Variants in ASAP1 observed in about 807,000 individuals in gnomAD.
ASAP1 encodes ArfGAP with SH3 domain, ankyrin repeat and PH domain 1.
Under a neutral mutation model 145.2 loss-of-function variants are expected in ASAP1, and 43 were observed. The ratio of observed to expected loss-of-function variants is 0.30; its 90% CI spans 0.23 to 0.38. ASAP1 has a LOEUF of 0.38. ASAP1 is among the 10% of genes least tolerant of loss of function. The pLI is 1.00. For missense variants in ASAP1, 1,018 were observed against 1,355.3 expected (o/e 0.75, Z 3.91); for synonymous variants, 546 against 515.5 (o/e 1.06, Z -0.80).
intron 1 of ASAP1, among the ~76,000 whole-genome samples, chr8:130,424,588 T>C (rs145365141): frequency 2.5e-3 from 387 of 152,326 alleles, no homozygotes; most frequent in African/African-American, 8.9e-3. Flanking sequence ...CTGGAAACAC[T>C]GCCCTTCTCA....
chr8:130,055,759 A>G (rs2097402622), intron 29 of ASAP1, among the ~76,000 whole-genome samples: 5 of 152,228 alleles, frequency 3.3e-5, no homozygotes, highest in Middle Eastern at 3.2e-3. Context: ...TAGAAAAAAC[A>G]AAATCGTGCA....
chr8:130,296,935 T>C (rs1296372371), intron 3 of ASAP1, among the ~76,000 whole-genome samples: 3 of 152,080 alleles, frequency 2.0e-5, no homozygotes, highest in African/African-American at 7.2e-5. Context: ...TTAACTGTCT[T>C]TTTTGGGGGG....
At chr8:130,313,710 G>A (rs573226772) in intron 3 of ASAP1, among the ~76,000 whole-genome samples, 1 of 152,088 alleles carries the variant, frequency 6.6e-6, no homozygotes, top group Non-Finnish European at 1.5e-5. Flanking sequence ...TCAGCCCCAG[G>A]ATATTCAAAA....
chr8:130,149,768 G>C (rs1225712746), intron 13 of ASAP1, among the ~76,000 whole-genome samples: 2 of 152,182 alleles, frequency 1.3e-5, no homozygotes. Flanking sequence ...AATGGTGTTT[G>C]CAAAGTCAGG....
intron 2 of ASAP1, among the ~76,000 whole-genome samples, chr8:130,362,238 G>A (rs1420950638): frequency 1.3e-5 from 2 of 152,162 alleles, no homozygotes; most frequent in African/African-American, 2.4e-5. Flanking sequence ...CCAGAGGTGG[G>A]GGAGTGTGGG....
At chr8:130,140,357 TTTC>T (rs1286846086) in intron 13 of ASAP1, among the ~76,000 whole-genome samples, 1 of 151,910 alleles carries the variant, frequency 6.6e-6, no homozygotes, top group Non-Finnish European at 1.5e-5. Context: ...TCTTTCTTTC[TTTC>T]TTTTTTTTTT....
At chr8:130,374,800 A>G (rs886236343) in intron 2 of ASAP1, among the ~76,000 whole-genome samples, 5 of 152,222 alleles carry the variant, frequency 3.3e-5, no homozygotes, top group African/African-American at 1.2e-4. Context: ...AGCCCAGTGC[A>G]TCCAGCTTCT....
intron 3 of ASAP1, among the ~76,000 whole-genome samples, chr8:130,356,556 A>G (rs1430108069): frequency 6.6e-6 from 1 of 152,242 alleles, no homozygotes; most frequent in Non-Finnish European, 1.5e-5. Context: ...AAAAAAGAAA[A>G]GAAAAAATCC....
chr8:130,228,923 G>A (rs185585381), intron 4 of ASAP1, among the ~76,000 whole-genome samples: 10 of 152,004 alleles, frequency 6.6e-5, no homozygotes, highest in East Asian at 1.9e-4. Context: ...AAATCAGCAC[G>A]GGGTGTTCCA....
At chr8:130,304,155 C>T (rs1405142264) in intron 3 of ASAP1, among the ~76,000 whole-genome samples, 1 of 151,714 alleles carries the variant, frequency 6.6e-6, no homozygotes, top group African/African-American at 2.4e-5. Flanking sequence ...CATTCCATCT[C>T]CACTGAGAAA....
chr8:130,423,993 G>A (rs6470820), intron 1 of ASAP1, among the ~76,000 whole-genome samples: 147,762 of 152,290 alleles, frequency 0.97, 71,800 homozygotes, highest in Non-Finnish European at 1. Context: ...AATTGACTGC[G>A]GCGATGGCTG....
intron 3 of ASAP1, among the ~76,000 whole-genome samples, chr8:130,279,668 GATCT>G (rs1821138081): frequency 6.6e-6 from 1 of 152,112 alleles, no homozygotes; most frequent in African/African-American, 2.4e-5. Context: ...ATAATTTCTA[GATCT>G]TTCTCTATTG....
At chr8:130,057,364 T>C (rs1479323514) in intron 29 of ASAP1, among the ~76,000 whole-genome samples, 1 of 152,202 alleles carries the variant, frequency 6.6e-6, no homozygotes, top group African/African-American at 2.4e-5. Flanking sequence ...AATCAGAAAA[T>C]GCCTACAACT....
chr8:130,264,292 T>C (rs1213882406), intron 3 of ASAP1, among the ~76,000 whole-genome samples: 2 of 152,222 alleles, frequency 1.3e-5, no homozygotes, highest in Non-Finnish European at 2.9e-5. Context: ...GGTCCTTCCA[T>C]GGTTGACCTG....
chr8:130,072,830 C>CGCGCGCGCGG (rs1448184178), intron 27 of ASAP1, among the ~76,000 whole-genome samples: 4 of 31,922 alleles, frequency 1.3e-4, no homozygotes, highest in African/African-American at 4.1e-4. Context: ...TGTGTGCGCG[C>CGCGCGCGCGG]GGGGGGGGGC....
At chr8:130,081,844 C>T (rs1045066241) in intron 25 of ASAP1, among the ~76,000 whole-genome samples, 4 of 152,318 alleles carry the variant, frequency 2.6e-5, no homozygotes, top group African/African-American at 4.8e-5. Flanking sequence ...TTAACAGCAA[C>T]GACCGTTTAC....
At chr8:130,153,350 T>TATATATATATATAC (rs1235141329) in intron 12 of ASAP1, among the ~76,000 whole-genome samples, 2 of 48,550 alleles carry the variant, frequency 4.1e-5, no homozygotes, top group East Asian at 3.0e-3. Flanking sequence ...TATATATATA[T>TATATATATATATAC]ATATATATGT....
intron 3 of ASAP1, among the ~76,000 whole-genome samples, chr8:130,279,538 T>A (rs1821130373): frequency 6.6e-6 from 1 of 152,224 alleles, no homozygotes; most frequent in Non-Finnish European, 1.5e-5. Context: ...AATTTGCTTT[T>A]GAAACAAGCG....
chr8:130,227,071 T>G (rs1817625657), intron 4 of ASAP1, among the ~76,000 whole-genome samples: 1 of 152,130 alleles, frequency 6.6e-6, no homozygotes, highest in Non-Finnish European at 1.5e-5. Flanking sequence ...GATACAAAGG[T>G]TATTTAGTGT....
Sources: allele counts gnomAD v4.1 joint callset (sites outside exome capture counted in the v4.1 genomes callset), GRCh38; gene constraint gnomAD v4.1.1; transcripts MANE v1.5; gene names NCBI Gene and HGNC (gene_info 2026-07-23, HGNC 2026-07-21).